Variants in IL1RAPL2 observed in about 807,000 individuals in gnomAD.
IL1RAPL2 encodes the protein X-linked interleukin-1 receptor accessory protein-like 2.
Under a neutral mutation model 44.1 loss-of-function variants are expected in IL1RAPL2, and 3 were observed. The ratio of observed to expected loss-of-function variants is 0.07; its 90% CI spans 0.03 to 0.18. IL1RAPL2 has a LOEUF of 0.18. Ranked by LOEUF, IL1RAPL2 falls within the 10% of genes least tolerant of loss-of-function variation. The pLI is 1.00. For synonymous variants in IL1RAPL2, 181 were observed against 178.8 expected (o/e 1.01, Z -0.10); for missense variants, 391 against 496.4 (o/e 0.79, Z 2.02).
chrX:104,714,480 G>T (rs377339795), intron 2 of IL1RAPL2, among the ~76,000 whole-genome samples: 1 of 110,431 alleles, frequency 9.1e-6, no homozygotes, highest in Non-Finnish European at 1.9e-5. Flanking sequence ...CTCTTCCTTC[G>T]GCTCTCATTC....
At chrX:104,719,709 C>T (rs1931640984) in intron 2 of IL1RAPL2, among the ~76,000 whole-genome samples, 1 of 111,489 alleles carries the variant, frequency 9.0e-6, no homozygotes, top group Non-Finnish European at 1.9e-5. Flanking sequence ...GTAGCTTCAC[C>T]GTTTCATCCT....
At chrX:105,013,509 T>G (rs2031105793) in intron 2 of IL1RAPL2, among the ~76,000 whole-genome samples, 1 of 110,001 alleles carries the variant, frequency 9.1e-6, no homozygotes, top group Non-Finnish European at 1.9e-5. Context: ...GACAGAGGTA[T>G]AATGTCACCA....
intron 6 of IL1RAPL2, among the ~76,000 whole-genome samples, chrX:105,555,114 C>A (rs910340000): frequency 1.9e-5 from 2 of 105,975 alleles, no homozygotes; most frequent in African/African-American, 6.9e-5. Flanking sequence ...AGATTTTTAC[C>A]CTATGCAAGT....
intron 6 of IL1RAPL2, among the ~76,000 whole-genome samples, chrX:105,601,271 C>T (rs929944555): frequency 1.8e-5 from 2 of 110,980 alleles, no homozygotes; most frequent in Non-Finnish European, 3.8e-5. Flanking sequence ...TTAAATTTAA[C>T]GATCTGAATA....
intron 6 of IL1RAPL2, among the ~76,000 whole-genome samples, chrX:105,568,686 T>C (rs190981620): frequency 8.4e-4 from 95 of 112,454 alleles, no homozygotes; most frequent in African/African-American, 2.9e-3. Flanking sequence ...GTTCTTTCCT[T>C]GTTAAACTCT....
chrX:104,940,605 C>A (rs1925139847), intron 2 of IL1RAPL2, among the ~76,000 whole-genome samples: 2 of 110,595 alleles, frequency 1.8e-5, no homozygotes. Context: ...TCTCACTGGA[C>A]CTTTAATCTT....
intron 6 of IL1RAPL2, among the ~76,000 whole-genome samples, chrX:105,646,130 G>T (rs765806244): frequency 9.0e-6 from 1 of 111,531 alleles, no homozygotes; most frequent in South Asian, 3.8e-4. Context: ...TGTGTTCAGA[G>T]CTGCTTAGCA....
At chrX:105,379,936 C>A (rs2035417148) in intron 5 of IL1RAPL2, among the ~76,000 whole-genome samples, 1 of 111,470 alleles carries the variant, frequency 9.0e-6, no homozygotes, top group Admixed American at 9.5e-5. Flanking sequence ...AGAGTGACTC[C>A]TAACCTGAGT....
chrX:104,967,012 G>T (rs1299814560), intron 2 of IL1RAPL2, among the ~76,000 whole-genome samples: 7 of 112,179 alleles, frequency 6.2e-5, no homozygotes, highest in African/African-American at 1.9e-4. Context: ...TGGCCCATAG[G>T]CTGCAGTTTG....
At chrX:105,010,348 C>T (rs1211393218) in intron 2 of IL1RAPL2, among the ~76,000 whole-genome samples, 1 of 111,271 alleles carries the variant, frequency 9.0e-6, no homozygotes, top group Non-Finnish European at 1.9e-5. Flanking sequence ...CATTTGCATG[C>T]CTTTTATGGT....
At chrX:105,729,876 AGAAGGAAGGAAG>A (rs768197336) in intron 7 of IL1RAPL2, among the ~76,000 whole-genome samples, 1,520 of 51,250 alleles carry the variant, frequency 0.03, 30 homozygotes, top group Middle Eastern at 0.092. Flanking sequence ...AAGGAAGGAA[AGAAGGAAGGAAG>A]GAAGGAAGGA....
chrX:105,606,482 A>T (rs1279866205), intron 6 of IL1RAPL2, among the ~76,000 whole-genome samples: 1 of 111,526 alleles, frequency 9.0e-6, no homozygotes, highest in Non-Finnish European at 1.9e-5. Context: ...CATTATGGAG[A>T]ACAGTATGGA....
chrX:104,849,531 T>G (rs1311860347), intron 2 of IL1RAPL2, among the ~76,000 whole-genome samples: 1 of 108,323 alleles, frequency 9.2e-6, no homozygotes, highest in Non-Finnish European at 1.9e-5. Context: ...CTTAAATATA[T>G]GAGCGTTTTG....
At chrX:105,626,139 A>C (rs1350800230) in intron 6 of IL1RAPL2, among the ~76,000 whole-genome samples, 1 of 111,906 alleles carries the variant, frequency 8.9e-6, no homozygotes, top group East Asian at 2.8e-4. Context: ...CATAGGAGGA[A>C]CCTGACATAA....
intron 2 of IL1RAPL2, among the ~76,000 whole-genome samples, chrX:104,878,124 G>A (rs760604501): frequency 3.6e-5 from 4 of 111,276 alleles, no homozygotes; most frequent in Non-Finnish European, 7.5e-5. Flanking sequence ...GGTACCTTGC[G>A]TCTGTACCAT....
intron 6 of IL1RAPL2, among the ~76,000 whole-genome samples, chrX:105,568,803 C>A (rs188340106): frequency 3.6e-5 from 4 of 111,536 alleles, no homozygotes; most frequent in Non-Finnish European, 5.7e-5. Context: ...TTTCCATTAC[C>A]GGATTATGTG....
At chrX:105,019,631 G>A (rs1005436440) in intron 2 of IL1RAPL2, among the ~76,000 whole-genome samples, 2 of 111,558 alleles carry the variant, frequency 1.8e-5, no homozygotes, top group Non-Finnish European at 3.8e-5. Flanking sequence ...GAGCTACACT[G>A]TAATAGTAGA....
At chrX:104,906,211 C>T (rs1029382817) in intron 2 of IL1RAPL2, among the ~76,000 whole-genome samples, 1 of 111,441 alleles carries the variant, frequency 9.0e-6, no homozygotes, top group Non-Finnish European at 1.9e-5. Flanking sequence ...TGGGCTGAGA[C>T]AATGGGGTTT....
intron 5 of IL1RAPL2, among the ~76,000 whole-genome samples, chrX:105,324,007 A>C (rs2034916984): frequency 8.9e-6 from 1 of 111,798 alleles, no homozygotes; most frequent in African/African-American, 3.3e-5. Flanking sequence ...AAAATAGGAC[A>C]AAATTCTGTG....
Sources: allele counts gnomAD v4.1 joint callset (sites outside exome capture counted in the v4.1 genomes callset), GRCh38; gene constraint gnomAD v4.1.1; transcripts MANE v1.5; gene names NCBI Gene and HGNC (gene_info 2026-07-23, HGNC 2026-07-21).